PEPD: variants seen among roughly 807,000 people sequenced by gnomAD.
PEPD encodes peptidase D, also known as xaa-Pro dipeptidase.
Under a neutral mutation model 60.7 loss-of-function variants are expected in PEPD, and 53 were observed. That is an observed-to-expected ratio of 0.87 (90% CI 0.70 to 1.10). The LOEUF is 1.10. Ranked by LOEUF, PEPD falls within the 50% of genes least tolerant of loss-of-function variation. The pLI is 0.00. For synonymous variants in PEPD, 267 were observed against 284.1 expected, an observed-to-expected ratio of 0.94 and a Z score of 0.60; for missense variants, 711 against 711.9, an observed-to-expected ratio of 1.00 and a Z score of 0.01.
intron 12 of PEPD, among the ~76,000 whole-genome samples, chr19:33,392,989 T>A (rs1166281685): frequency 6.6e-6 from 1 of 152,108 alleles, no homozygotes; most frequent in Non-Finnish European, 1.5e-5. Flanking sequence ...GCAGGCAGTA[T>A]GGCTGTTGCC....
At chr19:33,460,991 ACT>A (rs1969915125) in intron 9 of PEPD, among the ~76,000 whole-genome samples, 1 of 152,144 alleles carries the variant, frequency 6.6e-6, no homozygotes, top group Admixed American at 6.5e-5. Flanking sequence ...CAACATGTGG[ACT>A]CTGTGTGGAT....
chr19:33,417,159 C>G (rs1442729179), intron 9 of PEPD, among the ~76,000 whole-genome samples: 1 of 152,248 alleles, frequency 6.6e-6, no homozygotes, highest in Non-Finnish European at 1.5e-5. Context: ...CTATGTGCCT[C>G]GAGCATGGGT....
intron 9 of PEPD, among the ~76,000 whole-genome samples, chr19:33,461,048 T>C (rs10422643): frequency 0.49 from 74,746 of 152,010 alleles, 18,871 homozygotes; most frequent in African/African-American, 0.59. Context: ...AGGATCAATA[T>C]GGACTAGATA....
At position 33,449,219 on chromosome 19, in the gene PEPD, C is replaced by T. The variant is rs113180941; in HGVS notation, c.671+13776G>A. 1.9e-4 allele frequency among the ~76,000 whole-genome samples: 29 copies of T among 152,342 alleles called. 4 individuals carry two copies. The highest frequency in any genetic ancestry group is 6.3e-4 in the African/African-American group (26 of 41,590). On this transcript the variant is annotated intron_variant, in intron 9 of 14. Coordinates refer to ENST00000244137, the MANE Select transcript of PEPD (RefSeq NM_000285.4). ...GACCACCTGGTGCAACTCATAGCCC[C>T]CTCCTCAGCTCCTCTGGGGTCGCCC...
intron 11 of PEPD, among the ~76,000 whole-genome samples, chr19:33,408,947 G>A (rs1362014574): frequency 1.3e-5 from 2 of 152,206 alleles, no homozygotes; most frequent in Non-Finnish European, 2.9e-5. Flanking sequence ...ATAATAAATT[G>A]ACTACAATAA....
At chr19:33,390,238 G>A (rs753610226) in intron 13 of PEPD, among the ~76,000 whole-genome samples, 1 of 151,810 alleles carries the variant, frequency 6.6e-6, no homozygotes, top group Non-Finnish European at 1.5e-5. Flanking sequence ...AATTTTTGCT[G>A]GTGGAAAAAA....
At chr19:33,469,753 C>T (rs1004260466) in intron 7 of PEPD, among the ~76,000 whole-genome samples, 3 of 152,098 alleles carry the variant, frequency 2.0e-5, no homozygotes, top group African/African-American at 4.8e-5. Flanking sequence ...GCCTCCCCTA[C>T]GCTGCCTGCC....
At chr19:33,418,648 C>A (rs1234876622) in intron 9 of PEPD, among the ~76,000 whole-genome samples, 1 of 152,244 alleles carries the variant, frequency 6.6e-6, no homozygotes, top group Non-Finnish European at 1.5e-5. Context: ...GACCCCAACT[C>A]CCAGGCAGGT....
intron 12 of PEPD, among the ~76,000 whole-genome samples, chr19:33,398,941 C>T (rs915766956): frequency 4.6e-5 from 7 of 152,226 alleles, no homozygotes; most frequent in African/African-American, 1.7e-4. Context: ...ACCCACCCAT[C>T]TGCCTGGAGA....
Position 33,462,027 on chromosome 19 carries a change from G to A in PEPD, c.671+968C>T, listed in dbSNP as rs551684615. Among the ~76,000 whole-genome samples, 17 of 152,312 alleles carry A rather than the reference G, an allele frequency of 1.1e-4. No homozygotes were observed. In the East Asian group the frequency reaches 2.7e-3, roughly 24 times the overall value. On this transcript the variant is annotated intron_variant, in intron 9 of 14. Coordinates refer to ENST00000244137, the MANE Select transcript of PEPD (RefSeq NM_000285.4). ...CTCGTCCCCTAAGCACAGCCACAGCGAACTGAAGCATCCAAGCAGCCCACT... is the reference window on the plus strand; with the variant it reads ...CTCGTCCCCTAAGCACAGCCACAGCAAACTGAAGCATCCAAGCAGCCCACT...
At chr19:33,474,169 C>T (rs998084275) in intron 7 of PEPD, among the ~76,000 whole-genome samples, 4 of 152,294 alleles carry the variant, frequency 2.6e-5, no homozygotes, top group African/African-American at 7.2e-5. Context: ...CTGGACCGTA[C>T]GTTCAGTGGG....
chr19:33,468,053 T>C (rs765949803), intron 7 of PEPD, among the ~76,000 whole-genome samples: 3 of 151,904 alleles, frequency 2.0e-5, no homozygotes, highest in Non-Finnish European at 4.4e-5. Context: ...CGGGGTGCTA[T>C]GTGAGGGAAT....
Position 33,478,077 on chromosome 19 carries a change from T to C in PEPD, c.517A>G (p.Asn173Asp), listed in dbSNP as rs1021121551. The C allele has an allele frequency of 6.2e-7, 1 of 1,610,890 alleles. No homozygotes were observed. Among genetic ancestry groups the C allele is most frequent in the Non-Finnish European group, 8.5e-7 (1 of 1,177,878 alleles). ...ACGATCTCTGGGTGAAGAATGGTAT[T>C]GTTGACTTCGAACCTGTAGGGCGAA... ...FDGISKFEVN[N>D]TILHPEIVEC... The change falls in exon 7 of 15, where the codon AAT becomes GAT. Residue 173 changes from asparagine to aspartate, a missense_variant. Asn to Asp is a conservative substitution (Grantham distance 23). Transcript: ENST00000244137.
Position 33,414,934 on chromosome 19 carries a change from C to T in PEPD, c.672-1291G>A, listed in dbSNP as rs748218598. Among the ~76,000 whole-genome samples, 33 of 152,302 alleles carry T rather than the reference C, an allele frequency of 2.2e-4. 1 individual carries two copies. In the South Asian group the frequency reaches 3.1e-3, roughly 14 times the overall value. ...TCCTCTCCTCAGCCGCCCCCGTATTCGTGGTGCAAGCGCTCAGGAGGCCGC... is the reference window on the plus strand; with the variant it reads ...TCCTCTCCTCAGCCGCCCCCGTATTTGTGGTGCAAGCGCTCAGGAGGCCGC... On this transcript the variant is annotated intron_variant, in intron 9 of 14. Transcript: ENST00000244137.
chr19:33,466,805 T>A (rs1970027168), intron 7 of PEPD, among the ~76,000 whole-genome samples: 1 of 151,758 alleles, frequency 6.6e-6, no homozygotes, highest in Non-Finnish European at 1.5e-5. Context: ...AAAACCATTC[T>A]TTAAACAGAG....
chr19:33,390,628 CCGTAG>C (rs772716115), intron 13 of PEPD, among the ~76,000 whole-genome samples: 9 of 152,220 alleles, frequency 5.9e-5, no homozygotes, highest in Non-Finnish European at 1.3e-4. Flanking sequence ...AGCCGAGAGG[CCGTAG>C]CCACCTGCCC....
chr19:33,462,520 G>A (rs983998414), intron 9 of PEPD, among the ~76,000 whole-genome samples: 10 of 152,226 alleles, frequency 6.6e-5, no homozygotes, highest in African/African-American at 2.2e-4. Context: ...AGCTCCCCGG[G>A]TGCCACTGGC....
At chr19:33,428,866 C>T (rs953135389) in intron 9 of PEPD, among the ~76,000 whole-genome samples, 5 of 152,210 alleles carry the variant, frequency 3.3e-5, no homozygotes, top group African/African-American at 1.2e-4. Context: ...CCTGAACATG[C>T]CCAACAATCC....
At chr19:33,509,917 A>G (rs902647715) in intron 3 of PEPD, among the ~76,000 whole-genome samples, 2 of 152,338 alleles carry the variant, frequency 1.3e-5, no homozygotes, top group Non-Finnish European at 1.5e-5. Context: ...CCTCTGCTCT[A>G]TCTCACAGGT....
Sources: gnomAD v4.1 joint callset for allele counts (sites outside exome capture counted in the v4.1 genomes callset) on GRCh38, gnomAD v4.1.1 for gene constraint, MANE v1.5 for transcripts, NCBI Gene and HGNC (gene_info 2026-07-23, HGNC 2026-07-21) for gene names.